The following SRGAP3 variants were observed in gnomAD, a reference collection of about 807,000 sequenced individuals.
The protein encoded by SRGAP3 is SLIT-ROBO Rho GTPase activating protein 3.
Under a neutral mutation model 121.1 loss-of-function variants are expected in SRGAP3, and 39 were observed. That is an observed-to-expected ratio of 0.32 (90% confidence interval 0.25 to 0.42). SRGAP3 has a LOEUF of 0.42. Among genes scored for constraint, SRGAP3 ranks in the 10% least tolerant of loss-of-function variants. The pLI is 1.00. For missense variants in SRGAP3, 1,213 were observed against 1,470.6 expected (o/e 0.82, Z 2.86); for synonymous variants, 601 against 570.0 (o/e 1.05, Z -0.77).
At chr3:9,151,074 G>C (rs890825766) in intron 1 of SRGAP3, among the ~76,000 whole-genome samples, 1 of 152,194 alleles carries the variant, frequency 6.6e-6, no homozygotes, top group Non-Finnish European at 1.5e-5. Context: ...TCTTTACCTG[G>C]GATGGCTTGA....
chr3:9,343,031 G>C (rs773087571), intron 1 of SRGAP3, among the ~76,000 whole-genome samples: 2 of 152,134 alleles, frequency 1.3e-5, no homozygotes, highest in Admixed American at 6.5e-5. Flanking sequence ...CTTGTCCCCT[G>C]GCATCCCCTG....
chr3:9,041,882 C>T (rs533331748), intron 10 of SRGAP3, among the ~76,000 whole-genome samples: 1 of 152,148 alleles, frequency 6.6e-6, no homozygotes, highest in Non-Finnish European at 1.5e-5. Context: ...GGGTGAATCA[C>T]TTGAGGTCAG....
At chr3:9,080,626 G>A (rs1298460520) in intron 3 of SRGAP3, among the ~76,000 whole-genome samples, 3 of 152,164 alleles carry the variant, frequency 2.0e-5, no homozygotes, top group Admixed American at 2.0e-4. Context: ...ATCAGTCCAT[G>A]GCCCACTAAG....
chr3:9,043,363 T>C (rs1253813932), intron 10 of SRGAP3, among the ~76,000 whole-genome samples: 1 of 152,186 alleles, frequency 6.6e-6, no homozygotes. Context: ...TTGAGGTCTC[T>C]CTTTTCCATG....
At chr3:9,046,924 G>C (rs1327572716) in intron 10 of SRGAP3, among the ~76,000 whole-genome samples, 2 of 151,584 alleles carry the variant, frequency 1.3e-5, no homozygotes, top group Admixed American at 6.6e-5. Context: ...TCTGCCTCCT[G>C]GGTTCACGCC....
At chr3:9,345,172 C>G (rs1206671030) in intron 1 of SRGAP3, among the ~76,000 whole-genome samples, 1 of 152,190 alleles carries the variant, frequency 6.6e-6, no homozygotes, top group Non-Finnish European at 1.5e-5. Context: ...GACTCAAAGA[C>G]TGGGAGAACT....
At chr3:9,335,007 A>C (rs73023267) in intron 1 of SRGAP3, among the ~76,000 whole-genome samples, 1 of 152,230 alleles carries the variant, frequency 6.6e-6, no homozygotes, top group Non-Finnish European at 1.5e-5. Flanking sequence ...AAAACTGAGC[A>C]AAGCAGGCCT....
chr3:9,231,785 C>T (rs915359659), intron 1 of SRGAP3, among the ~76,000 whole-genome samples: 2 of 152,242 alleles, frequency 1.3e-5, no homozygotes, highest in African/African-American at 2.4e-5. Flanking sequence ...CCGCAGCACT[C>T]GAGAGTTTAC....
chr3:9,165,611 A>G (rs554140802), intron 1 of SRGAP3, among the ~76,000 whole-genome samples: 2 of 152,334 alleles, frequency 1.3e-5, no homozygotes, highest in South Asian at 4.1e-4. Context: ...TTCTTAGGAT[A>G]AATGCCAAAA....
intron 1 of SRGAP3, among the ~76,000 whole-genome samples, chr3:9,137,811 G>T (rs963131630): frequency 6.6e-6 from 1 of 152,208 alleles, no homozygotes; most frequent in Non-Finnish European, 1.5e-5. Flanking sequence ...TCCTTCCCAT[G>T]AAGAAGTCAG....
intron 9 of SRGAP3, chr3:9,049,355 C>T (rs1945444577): frequency 4.4e-6 from 2 of 455,732 alleles, no homozygotes; most frequent in African/African-American, 2.0e-5. Flanking sequence ...GGCCTATTGG[C>T]CATTAAGAGT....
At chr3:9,166,158 G>A (rs1313537989) in intron 1 of SRGAP3, among the ~76,000 whole-genome samples, 1 of 152,110 alleles carries the variant, frequency 6.6e-6, no homozygotes, top group Non-Finnish European at 1.5e-5. Flanking sequence ...GCTCTCATGT[G>A]TCTAGTCTAT....
At position 9,216,153 on chromosome 3, in the gene SRGAP3, A is replaced by C. The variant is rs541128995; in HGVS notation, c.67+32732T>G. Among the ~76,000 whole-genome samples, 128 of 152,340 alleles carry C rather than the reference A, an allele frequency of 8.4e-4. No individual in the cohort carries two copies. The Middle Eastern group carries it at 0.014, about 16-fold the overall frequency. ...CCAACTGTTAGTATGCACACTGCAG[A>C]TGTATCAGCCCACCAGGTCATTCTC... On this transcript the variant is annotated intron_variant, in intron 1 of 21. Transcript: ENST00000383836.
At position 8,990,563 on chromosome 3, in the gene SRGAP3, C is replaced by A; in HGVS notation, c.2835G>T (p.Arg945Ser). ...HSMRSTCGSTRHSSLGDHKSL... is the reference protein window; with the variant it reads ...HSMRSTCGSTSHSSLGDHKSL... ...ACTTGTGGTCCCCTAGGCTGCTGTG[C>A]CTGGTGGAACCGCAGGTCGACCTCA... The change falls in exon 21 of 22, where the codon AGG (arginine) becomes AGT (serine). Residue 945 changes from arginine (R) to serine (S), a missense_variant. This residue lies in a region of SRGAP3 where 420 missense variants were observed against 437.7 expected (regional missense o/e 0.96). Coordinates refer to ENST00000383836, the MANE Select transcript of SRGAP3 (RefSeq NM_014850.4). 6.3e-7 allele frequency: 1 copy of A among 1,583,480 alleles called. No individual in the cohort carries two copies. Among genetic ancestry groups the A allele is most frequent in the Non-Finnish European group, 8.6e-7 (1 of 1,164,974 alleles).
intron 1 of SRGAP3, among the ~76,000 whole-genome samples, chr3:9,241,031 T>A (rs1304368578): frequency 1.3e-5 from 2 of 152,172 alleles, no homozygotes; most frequent in African/African-American, 4.8e-5. Flanking sequence ...TGCCTTGGCA[T>A]GCATGTTGCT....
chr3:9,222,053 C>A (rs1952832426), intron 1 of SRGAP3, among the ~76,000 whole-genome samples: 1 of 152,210 alleles, frequency 6.6e-6, no homozygotes, highest in African/African-American at 2.4e-5. Flanking sequence ...GATCTCTTGT[C>A]AATCCCATCC....
Position 9,102,042 on chromosome 3 carries a change from T to C in SRGAP3, c.423+2638A>G, listed in dbSNP as rs1159195426. The stretch of plus-strand genomic sequence containing the variant: ...AGCTGCCCAGGCCCAAGCCAGAAGA[T>C]AGGCACAGGACAGACACCTGGCCTA... On this transcript the variant is annotated intron_variant, in intron 3 of 21. Coordinates refer to ENST00000383836, the MANE Select transcript of SRGAP3 (RefSeq NM_014850.4). 3.9e-5 allele frequency among the ~76,000 whole-genome samples: 6 copies of C among 152,340 alleles called. No homozygotes were observed. In the East Asian group the frequency reaches 1.2e-3, roughly 29 times the overall value.
intron 2 of SRGAP3, among the ~76,000 whole-genome samples, chr3:9,122,787 T>C (rs541549393): frequency 6.6e-6 from 1 of 152,002 alleles, no homozygotes; most frequent in Admixed American, 6.5e-5. Context: ...CACCAATTTC[T>C]TATCCCCAAA....
At chr3:8,994,738 C>G (rs1363483345) in intron 18 of SRGAP3, among the ~76,000 whole-genome samples, 1 of 152,196 alleles carries the variant, frequency 6.6e-6, no homozygotes, top group African/African-American at 2.4e-5. Context: ...ATCAAACCCT[C>G]AAAATGTAAA....
Sources: gnomAD v4.1 joint callset for allele counts (sites outside exome capture counted in the v4.1 genomes callset) on GRCh38, gnomAD v4.1.1 for gene constraint, gnomAD v4.1.1 regional missense constraint, MANE v1.5 for transcripts, NCBI Gene and HGNC (gene_info 2026-07-23, HGNC 2026-07-21) for gene names.